The following NPAS3 variants were observed in gnomAD, a reference collection of about 807,000 sequenced individuals.
NPAS3 encodes the protein neuronal PAS domain-containing protein 3.
In NPAS3, 14 loss-of-function variants were observed where a neutral mutation model predicts 73.1. That is an observed-to-expected ratio of 0.19 (90% CI 0.13 to 0.30). The LOEUF is 0.30. NPAS3 is among the 10% of genes least tolerant of loss of function. The pLI is 1.00. For synonymous variants in NPAS3, 620 were observed against 541.5 expected, an observed-to-expected ratio of 1.14 and a Z score of -2.01; for missense variants, 1,096 against 1,250.0, an observed-to-expected ratio of 0.88 and a Z score of 1.86.
At chr14:33,413,192 AT>A (rs2048003497) in intron 4 of NPAS3, among the ~76,000 whole-genome samples, 1 of 151,428 alleles carries the variant, frequency 6.6e-6, no homozygotes, top group Non-Finnish European at 1.5e-5. Flanking sequence ...TCCCTCTCTC[AT>A]ATGTGAGGAC....
At chr14:33,617,875 T>C (rs2057966493) in intron 5 of NPAS3, among the ~76,000 whole-genome samples, 1 of 152,074 alleles carries the variant, frequency 6.6e-6, no homozygotes, top group African/African-American at 2.4e-5. Context: ...TTCACTTCTC[T>C]GGCAATATCC....
intron 4 of NPAS3, among the ~76,000 whole-genome samples, chr14:33,483,160 A>T (rs2139727518): frequency 6.6e-6 from 1 of 152,296 alleles, no homozygotes; most frequent in Non-Finnish European, 1.5e-5. Context: ...GCTAAAATAG[A>T]ACATTCAAGT....
intron 7 of NPAS3, among the ~76,000 whole-genome samples, chr14:33,751,484 T>C (rs759988538): frequency 8.5e-5 from 13 of 152,284 alleles, no homozygotes; most frequent in Admixed American, 6.5e-5. Flanking sequence ...CCTGTATGCA[T>C]TGAAAGCTGG....
At chr14:32,993,831 T>TA (rs1182102624) in intron 1 of NPAS3, among the ~76,000 whole-genome samples, 3 of 152,236 alleles carry the variant, frequency 2.0e-5, no homozygotes, top group Admixed American at 2.0e-4. Context: ...GACCGATATA[T>TA]CTTCATGGTT....
intron 4 of NPAS3, among the ~76,000 whole-genome samples, chr14:33,494,580 C>T (rs2052072828): frequency 6.6e-6 from 1 of 152,210 alleles, no homozygotes; most frequent in South Asian, 2.1e-4. Flanking sequence ...CCTGGATCTA[C>T]AGGGACCCAG....
chr14:33,539,381 A>G (rs937132226), intron 4 of NPAS3, among the ~76,000 whole-genome samples: 2 of 152,110 alleles, frequency 1.3e-5, no homozygotes, highest in African/African-American at 4.8e-5. Flanking sequence ...TAAGTAGACA[A>G]GAAGTGTGGG....
chr14:33,306,376 G>A (rs2042754960), intron 3 of NPAS3, among the ~76,000 whole-genome samples: 1 of 152,168 alleles, frequency 6.6e-6, no homozygotes, highest in Non-Finnish European at 1.5e-5. Flanking sequence ...AACTAATTCT[G>A]CAATTTAACT....
At chr14:33,511,072 CTTTTACT>C (rs1450173143) in intron 4 of NPAS3, among the ~76,000 whole-genome samples, 1 of 151,942 alleles carries the variant, frequency 6.6e-6, no homozygotes, top group East Asian at 1.9e-4. Flanking sequence ...TTTCATAGTT[CTTTTACT>C]TTTTGAATGT....
At chr14:33,631,990 G>A (rs948015936) in intron 5 of NPAS3, among the ~76,000 whole-genome samples, 24 of 152,164 alleles carry the variant, frequency 1.6e-4, no homozygotes, top group African/African-American at 5.3e-4. Flanking sequence ...GCTAGTAGTA[G>A]TGAATCTGTC....
Position 33,800,174 on chromosome 14 carries a change from C to A in NPAS3, c.1867C>A (p.Pro623Thr). The A allele has an allele frequency of 6.2e-7, 1 of 1,609,348 alleles. No homozygotes were observed. The highest frequency in any genetic ancestry group is 8.5e-7 in the Non-Finnish European group (1 of 1,178,606). The change falls in exon 12 of 12, where the codon CCA becomes ACA. Residue 623 changes from proline to threonine, a missense_variant. By Grantham distance (38) the Pro-to-Thr change is conservative (BLOSUM62 -1). This residue lies in a region of NPAS3 where 698 missense variants were observed against 676.7 expected (regional missense o/e 1.03). Transcript: ENST00000356141. The surrounding 1 kb of genome is among the most constrained non-coding windows in gnomAD (Gnocchi z 6.5). ...CCGGCGCCTGTCCAGCGCGTCGAGC[C>A]CAGGCGGCCTGGACGCGGGCCTGGT...
intron 1 of NPAS3, among the ~76,000 whole-genome samples, chr14:32,966,280 A>G (rs1339382357): frequency 6.6e-6 from 1 of 152,194 alleles, no homozygotes; most frequent in African/African-American, 2.4e-5. Flanking sequence ...TGCAGGCATT[A>G]TACTACCTAA....
chr14:32,996,339 T>C (rs1187819084), intron 1 of NPAS3, among the ~76,000 whole-genome samples: 1 of 152,084 alleles, frequency 6.6e-6, no homozygotes, highest in Non-Finnish European at 1.5e-5. Flanking sequence ...GAAGAGAAAA[T>C]CCCATTTTCT....
intron 4 of NPAS3, among the ~76,000 whole-genome samples, chr14:33,471,978 T>G (rs1296841223): frequency 6.6e-6 from 1 of 152,230 alleles, no homozygotes. Flanking sequence ...GGGATCTAGG[T>G]TGCACACTCC....
intron 5 of NPAS3, among the ~76,000 whole-genome samples, chr14:33,570,661 C>T (rs1166182715): frequency 3.9e-5 from 6 of 152,126 alleles, no homozygotes; most frequent in Admixed American, 3.9e-4. Context: ...ACTCATTCAG[C>T]TCTTTAGTAA....
chr14:33,184,600 G>A (rs1488770679), intron 2 of NPAS3, among the ~76,000 whole-genome samples: 1 of 152,096 alleles, frequency 6.6e-6, no homozygotes, highest in Non-Finnish European at 1.5e-5. Flanking sequence ...GGAGTTAGGG[G>A]GTTATTGCAG....
At chr14:33,186,062 A>G (rs989414155) in intron 2 of NPAS3, among the ~76,000 whole-genome samples, 8 of 152,174 alleles carry the variant, frequency 5.3e-5, no homozygotes, top group African/African-American at 1.9e-4. Context: ...ATGCTGGGTT[A>G]GGAGATCACT....
At chr14:33,080,010 T>G (rs2041814944) in intron 2 of NPAS3, among the ~76,000 whole-genome samples, 1 of 152,208 alleles carries the variant, frequency 6.6e-6, no homozygotes, top group African/African-American at 2.4e-5. Flanking sequence ...AAAAATATGT[T>G]TCTCACCCAT....
At chr14:33,450,311 C>T (rs1205130125) in intron 4 of NPAS3, among the ~76,000 whole-genome samples, 2 of 151,948 alleles carry the variant, frequency 1.3e-5, no homozygotes, top group Non-Finnish European at 2.9e-5. Flanking sequence ...CTGCAGTCAT[C>T]GGAAAAGAAA....
At chr14:33,299,337 C>T (rs1310104018) in intron 3 of NPAS3, among the ~76,000 whole-genome samples, 2 of 152,130 alleles carry the variant, frequency 1.3e-5, no homozygotes, top group African/African-American at 2.4e-5. Context: ...GCTGGCCATG[C>T]CATCATGATT....
Sources: gnomAD v4.1 joint callset for allele counts (sites outside exome capture counted in the v4.1 genomes callset) on GRCh38, gnomAD v4.1.1 for gene constraint, gnomAD v4.1.1 regional missense constraint, Gnocchi (gnomAD v3.1) non-coding constraint, MANE v1.5 for transcripts, NCBI Gene and HGNC (gene_info 2026-07-23, HGNC 2026-07-21) for gene names.